Variants in GRIK4 observed in about 807,000 individuals in gnomAD.
GRIK4 encodes the protein glutamate ionotropic receptor kainate type subunit 4, also known as glutamate receptor ionotropic, kainate 4.
A neutral mutation model predicts 104.9 loss-of-function variants in GRIK4; 40 were observed. The observed-to-expected ratio is 0.38, with a 90% CI of 0.30 to 0.50. GRIK4 has a LOEUF of 0.50. GRIK4 is among the 20% of genes least tolerant of loss of function. The pLI is 0.93. For missense variants in GRIK4, 1,047 were observed against 1,308.1 expected, an observed-to-expected ratio of 0.80 and a Z score of 3.08; for synonymous variants, 485 against 524.9, an observed-to-expected ratio of 0.92 and a Z score of 1.04.
At chr11:120,906,543 G>A (rs1450396890) in intron 13 of GRIK4, among the ~76,000 whole-genome samples, 1 of 152,216 alleles carries the variant, frequency 6.6e-6, no homozygotes, top group Non-Finnish European at 1.5e-5. Flanking sequence ...GCAGGGCTCA[G>A]ATTGGAACCC....
At chr11:120,816,710 C>T (rs1952970294) in intron 5 of GRIK4, among the ~76,000 whole-genome samples, 1 of 152,092 alleles carries the variant, frequency 6.6e-6, no homozygotes, top group Non-Finnish European at 1.5e-5. Flanking sequence ...TTTATCTTCC[C>T]GATTTTAGGA....
chr11:120,511,875 C>T lies in GRIK4; in HGVS notation c.-171C>T. 1 of 307,784 alleles carries T rather than the reference C, an allele frequency of 3.2e-6. No individual in the cohort carries two copies. 19.1% of individuals were successfully genotyped at this position (307,784 alleles called of 1,614,324 possible). ...GGCCCCCGGCTCAGCCCCCGGAGTG[C>T]GGAGCCGACCAGGTAAGGGCAGCGG... On this transcript the variant is annotated 5_prime_UTR_variant, in exon 1 of 21. Transcript: ENST00000527524.
intron 3 of GRIK4, among the ~76,000 whole-genome samples, chr11:120,751,806 C>T (rs1453168483): frequency 1.3e-5 from 2 of 152,218 alleles, no homozygotes; most frequent in Non-Finnish European, 2.9e-5. Flanking sequence ...CTGTGCTCCC[C>T]TCAGCAGCAG....
chr11:120,879,750 G>A (rs1472760740), intron 11 of GRIK4, among the ~76,000 whole-genome samples: 1 of 152,086 alleles, frequency 6.6e-6, no homozygotes, highest in Non-Finnish European at 1.5e-5. Context: ...TATTGTTTCA[G>A]CTCCACCCTC....
At chr11:120,699,877 C>T (rs1393020640) in intron 3 of GRIK4, among the ~76,000 whole-genome samples, 2 of 152,144 alleles carry the variant, frequency 1.3e-5, no homozygotes, top group Non-Finnish European at 2.9e-5. Context: ...TTTGTATCAG[C>T]AAGGGCCGCA....
chr11:120,623,210 A>G (rs1949211241), intron 1 of GRIK4, among the ~76,000 whole-genome samples: 1 of 152,088 alleles, frequency 6.6e-6, no homozygotes, highest in Non-Finnish European at 1.5e-5. Flanking sequence ...TGGTGTGATC[A>G]TAGCTCACTG....
Position 120,761,537 on chromosome 11 carries a change from G to A in GRIK4, c.83-41156G>A, listed in dbSNP as rs142804659. 8.5e-3 allele frequency among the ~76,000 whole-genome samples: 1,293 copies of A among 152,268 alleles called. 18 individuals are homozygous for A. The highest frequency in any genetic ancestry group is 0.029 in the African/African-American group (1,219 of 41,546). ...AAATCTTTGCCCATGCCTATGTCCTGCATGGTATTGCTTAGGTTTTCTTCT... is the reference window on the plus strand; with the variant it reads ...AAATCTTTGCCCATGCCTATGTCCTACATGGTATTGCTTAGGTTTTCTTCT... On this transcript the variant is annotated intron_variant, in intron 3 of 20. Transcript: ENST00000527524.
chr11:120,865,950 C>T (rs1214721037), intron 9 of GRIK4, among the ~76,000 whole-genome samples: 1 of 152,112 alleles, frequency 6.6e-6, no homozygotes, highest in African/African-American at 2.4e-5. Flanking sequence ...ATGCAGCTCA[C>T]ATGGCAAGAG....
chr11:120,540,817 A>G (rs1285667779), intron 1 of GRIK4, among the ~76,000 whole-genome samples: 1 of 151,812 alleles, frequency 6.6e-6, no homozygotes, highest in Non-Finnish European at 1.5e-5. Flanking sequence ...TGGACTCAAA[A>G]AATATCAAGA....
Position 120,905,343 on chromosome 11 carries a change from C to T in GRIK4, c.1326C>T (p.Asp442=). The change falls in exon 13 of 21, where the codon GAC becomes GAT. Residue 442 remains aspartate (D), a synonymous_variant. Transcript: ENST00000527524. The surrounding 1 kb of genome is among the most constrained non-coding windows in gnomAD (Gnocchi z 5.1). ...ACCACCAGGAGATGGAAGGCAATGA[C>T]CGCTACGAGGGCTTCTGTGTGGACA... The part of the protein sequence containing the change: ...KGNHQEMEGN[D]RYEGFCVDML... 6.2e-7 allele frequency: 1 copy of T among 1,614,092 alleles called. No individual in the cohort carries two copies. Among genetic ancestry groups the T allele is most frequent in the Middle Eastern group, 1.6e-4 (1 of 6,062 alleles).
intron 1 of GRIK4, among the ~76,000 whole-genome samples, chr11:120,550,365 T>TGGGGTGAGTTGGGGGGG (rs1948128057): frequency 8.4e-4 from 22 of 26,238 alleles, no homozygotes; most frequent in African/African-American, 3.3e-3. Context: ...AGTTGGGGGG[T>TGGGGTGAGTTGGGGGGG]GGGGTGGGGT....
chr11:120,581,589 G>A (rs1306971757), intron 1 of GRIK4, among the ~76,000 whole-genome samples: 4 of 152,040 alleles, frequency 2.6e-5, no homozygotes, highest in African/African-American at 9.7e-5. Flanking sequence ...TCGGTTCCTA[G>A]AGAACACCAT....
intron 1 of GRIK4, among the ~76,000 whole-genome samples, chr11:120,585,567 G>A (rs1238420765): frequency 6.6e-6 from 1 of 151,870 alleles, no homozygotes; most frequent in South Asian, 2.1e-4. Context: ...CTTTGATAAA[G>A]TCTAATTTAT....
At chr11:120,615,401 T>C (rs1453910207) in intron 1 of GRIK4, among the ~76,000 whole-genome samples, 3 of 152,208 alleles carry the variant, frequency 2.0e-5, no homozygotes, top group African/African-American at 7.2e-5. Flanking sequence ...TAAAAGCCTG[T>C]TAATTATGCC....
intron 3 of GRIK4, among the ~76,000 whole-genome samples, chr11:120,739,736 T>G (rs1951293030): frequency 6.6e-6 from 1 of 152,262 alleles, no homozygotes; most frequent in Non-Finnish European, 1.5e-5. Context: ...AGTGTGTGTC[T>G]CGGACTTTCT....
intron 3 of GRIK4, among the ~76,000 whole-genome samples, chr11:120,759,065 A>C (rs1951700380): frequency 6.6e-6 from 1 of 152,182 alleles, no homozygotes; most frequent in Non-Finnish European, 1.5e-5. Flanking sequence ...TGCATAGCAC[A>C]GGGATATTAC....
chr11:120,528,228 CA>C (rs1202078432), intron 1 of GRIK4, among the ~76,000 whole-genome samples: 2 of 152,200 alleles, frequency 1.3e-5, no homozygotes, highest in Non-Finnish European at 2.9e-5. Flanking sequence ...CTGCCTGCCT[CA>C]ACCTCCCAAA....
chr11:120,768,618 C>T (rs1951882572), intron 3 of GRIK4, among the ~76,000 whole-genome samples: 1 of 152,116 alleles, frequency 6.6e-6, no homozygotes, highest in Admixed American at 6.5e-5. Flanking sequence ...TGCCTTGTAC[C>T]AGATCTTAGT....
At chr11:120,780,142 T>G (rs1952124449) in intron 3 of GRIK4, among the ~76,000 whole-genome samples, 1 of 152,252 alleles carries the variant, frequency 6.6e-6, no homozygotes, top group African/African-American at 2.4e-5. Flanking sequence ...TTTGGGCATT[T>G]TAAAATTATT....
Sources: allele counts gnomAD v4.1 joint callset (sites outside exome capture counted in the v4.1 genomes callset), GRCh38; gene constraint gnomAD v4.1.1; non-coding constraint Gnocchi (gnomAD v3.1); transcripts MANE v1.5; gene names NCBI Gene and HGNC (gene_info 2026-07-23, HGNC 2026-07-21).